Variants in POU2F1 observed in about 807,000 individuals in gnomAD.
The protein encoded by POU2F1 is POU class 2 homeobox 1.
POU2F1 carries 16 observed loss-of-function variants against 84.9 expected under a neutral mutation model. That is an observed-to-expected ratio of 0.19 (90% CI 0.13 to 0.29). The LOEUF (loss-of-function observed/expected upper bound fraction) is 0.29. Among genes scored for constraint, POU2F1 ranks in the 10% least tolerant of loss-of-function variants. POU2F1 has a pLI of 1.00. For missense variants in POU2F1, 738 were observed against 942.6 expected (o/e 0.78, Z 2.84); for synonymous variants, 368 against 368.3 (o/e 1.00, Z 0.01).
At chr1:167,315,716 A>T (rs901841966) in intron 1 of POU2F1, among the ~76,000 whole-genome samples, 7 of 151,856 alleles carry the variant, frequency 4.6e-5, no homozygotes, top group African/African-American at 1.7e-4. Flanking sequence ...AGGCGAGATG[A>T]TCGATTGAGC....
chr1:167,391,853 C>G (rs1324605781), intron 9 of POU2F1, among the ~76,000 whole-genome samples: 5 of 151,912 alleles, frequency 3.3e-5, no homozygotes, highest in African/African-American at 1.2e-4. Flanking sequence ...GCCACCAGGC[C>G]CAGCCCAGGC....
intron 3 of POU2F1, among the ~76,000 whole-genome samples, chr1:167,369,957 A>G (rs987967190): frequency 7.5e-5 from 11 of 146,478 alleles, no homozygotes; most frequent in African/African-American, 2.0e-4. Flanking sequence ...GATTAACAGC[A>G]TTTTTCTGTG....
Position 167,374,313 on chromosome 1 carries a change from A to G in POU2F1, c.591+17A>G, listed in dbSNP as rs566651472. 6.5e-6 allele frequency: 10 copies of G among 1,548,250 alleles called. No homozygotes were observed. The South Asian group carries it at 1.1e-4, about 17-fold the overall frequency. ...ATCGCACAGGTGAGTGAGGAACTCC[A>G]ATAGCTGGGGCAGCAAGTGAGGAAT... On this transcript the variant is annotated intron_variant, in intron 6 of 15. Transcript: ENST00000367866.
chr1:167,281,575 A>G (rs1301576032), intron 1 of POU2F1, among the ~76,000 whole-genome samples: 3 of 152,218 alleles, frequency 2.0e-5, no homozygotes, highest in Admixed American at 1.3e-4. Flanking sequence ...AGGTACAGAA[A>G]CAGCTGGATT....
Position 167,285,734 on chromosome 1 carries a change from A to G in POU2F1, c.62-46736A>G, listed in dbSNP as rs989950993. ...CCGTATCCTGGGCTAGTGCTCATTT[A>G]TCAGTTGCTATTTAATTTCTTTGTG... On this transcript the variant is annotated intron_variant, in intron 1 of 15. Coordinates refer to ENST00000367866, the MANE Select transcript of POU2F1 (RefSeq NM_002697.4). Among the ~76,000 whole-genome samples the G allele has an allele frequency of 3.9e-5, 6 of 152,286 alleles. No homozygotes were observed. The Middle Eastern group carries it at 0.02, about 518-fold the overall frequency.
chr1:167,318,705 A>G (rs1366031752), intron 1 of POU2F1, among the ~76,000 whole-genome samples: 2 of 152,144 alleles, frequency 1.3e-5, no homozygotes, highest in African/African-American at 2.4e-5. Context: ...GCCTTTCTCA[A>G]ACAGATAGGC....
intron 1 of POU2F1, among the ~76,000 whole-genome samples, chr1:167,328,084 G>A (rs1160033311): frequency 2.0e-5 from 3 of 152,102 alleles, no homozygotes; most frequent in African/African-American, 7.2e-5. Context: ...ATATATGTAT[G>A]TATGTTCATT....
chr1:167,287,951 G>T (rs896523671), intron 1 of POU2F1, among the ~76,000 whole-genome samples: 1 of 152,220 alleles, frequency 6.6e-6, no homozygotes, highest in African/African-American at 2.4e-5. Context: ...CAGTAGCGAT[G>T]ATGGAAGCCT....
At chr1:167,358,122 C>CTTTTTTTTTTTTTT (rs763521021) in intron 2 of POU2F1, among the ~76,000 whole-genome samples, 10 of 97,140 alleles carry the variant, frequency 1.0e-4, no homozygotes, top group African/African-American at 2.6e-4. Context: ...TTTTTCTTTT[C>CTTTTTTTTTTTTTT]TTTTTTTTTT....
At chr1:167,237,179 AGTCT>A (rs1258295803) in intron 1 of POU2F1, among the ~76,000 whole-genome samples, 2 of 152,218 alleles carry the variant, frequency 1.3e-5, no homozygotes, top group African/African-American at 4.8e-5. Flanking sequence ...AGCATTGTAA[AGTCT>A]GTCAGTGGTG....
intron 2 of POU2F1, among the ~76,000 whole-genome samples, chr1:167,360,359 T>C (rs903460196): frequency 3.3e-5 from 5 of 152,216 alleles, no homozygotes; most frequent in Admixed American, 1.3e-4. Flanking sequence ...TTAATCCATC[T>C]TGAGTTAATT....
chr1:167,337,852 G>T, intron 2 of POU2F1: 1 of 284,612 alleles, frequency 3.5e-6, no homozygotes, highest in South Asian at 3.3e-5. Flanking sequence ...AGCACACCAA[G>T]ATTTAAGGCA....
At chr1:167,397,970 T>G in intron 10 of POU2F1, 24 bp from the exon 11 acceptor site, 1 of 1,595,870 alleles carries the variant, frequency 6.3e-7, no homozygotes, top group South Asian at 1.1e-5. Flanking sequence ...TAATTTTATT[T>G]CTGTATTTTC....
intron 13 of POU2F1, among the ~76,000 whole-genome samples, chr1:167,411,126 G>A (rs942490253): frequency 3.1e-4 from 46 of 150,192 alleles, no homozygotes; most frequent in Admixed American, 2.9e-3. Flanking sequence ...TGCAACCTCC[G>A]CCTCCCAGGT....
intron 1 of POU2F1, among the ~76,000 whole-genome samples, chr1:167,228,080 C>T (rs1033010361): frequency 3.9e-5 from 6 of 152,022 alleles, no homozygotes; most frequent in Admixed American, 1.3e-4. Context: ...ATGTAGAAGG[C>T]GAGACTTTTA....
At chr1:167,309,669 T>C (rs1655324650) in intron 1 of POU2F1, among the ~76,000 whole-genome samples, 1 of 152,224 alleles carries the variant, frequency 6.6e-6, no homozygotes, top group Admixed American at 6.5e-5. Flanking sequence ...TTCTTATTTA[T>C]TTTTAATTTG....
intron 1 of POU2F1, among the ~76,000 whole-genome samples, chr1:167,301,004 A>T (rs1331552073): frequency 6.6e-6 from 1 of 151,766 alleles, no homozygotes; most frequent in African/African-American, 2.4e-5. Flanking sequence ...TCCTAACCTC[A>T]GGTGATCCGC....
intron 1 of POU2F1, 95 bp downstream of exon 1, chr1:167,221,053 G>C (rs1401461047): frequency 8.8e-7 from 1 of 1,132,412 alleles, no homozygotes. Context: ...TAGTACTCAG[G>C]ATTATTATAA....
intron 2 of POU2F1, among the ~76,000 whole-genome samples, chr1:167,348,616 T>C (rs547313863): frequency 6.6e-5 from 10 of 152,320 alleles, no homozygotes; most frequent in African/African-American, 2.2e-4. Flanking sequence ...CCTCCTCCTT[T>C]TTTCCAATGT....
Sources: allele counts gnomAD v4.1 joint callset (sites outside exome capture counted in the v4.1 genomes callset), GRCh38; gene constraint gnomAD v4.1.1; transcripts MANE v1.5; gene names NCBI Gene and HGNC (gene_info 2026-07-23, HGNC 2026-07-21).